Variants in STK33 observed in about 807,000 individuals in gnomAD.
STK33 encodes the protein serine/threonine kinase 33.
A neutral mutation model predicts 58.0 loss-of-function variants in STK33; 52 were observed. The observed-to-expected ratio is 0.90, with a 90% CI of 0.72 to 1.13. The LOEUF (loss-of-function observed/expected upper bound fraction) is 1.13. Ranked by LOEUF, STK33 falls within the 50% of genes most tolerant of loss-of-function variation. The pLI is 0.00. For synonymous variants in STK33, 215 were observed against 200.1 expected (o/e 1.07, Z -0.63); for missense variants, 630 against 604.2 (o/e 1.04, Z -0.45).
intron 1 of STK33, among the ~76,000 whole-genome samples, chr11:8,572,077 T>A (rs1957865936): frequency 6.7e-6 from 1 of 150,070 alleles, no homozygotes; most frequent in African/African-American, 2.4e-5. Flanking sequence ...AAAATTAATT[T>A]TAAAAAAACT....
intron 15 of STK33, among the ~76,000 whole-genome samples, chr11:8,394,791 C>T (rs1429773867): frequency 6.6e-6 from 1 of 152,094 alleles, no homozygotes; most frequent in African/African-American, 2.4e-5. Flanking sequence ...TGTTTAGTTG[C>T]TTTGGTGTAG....
rs77319334 is a variant in STK33, at chr11:8,570,320, C to T, written c.-466+23763G>A. 2.6e-3 allele frequency among the ~76,000 whole-genome samples: 394 copies of T among 152,144 alleles called. 1 individual carries two copies. Among genetic ancestry groups the T allele is most frequent in the Admixed American group, 3.7e-3 (57 of 15,286 alleles). On this transcript the variant is annotated intron_variant, in intron 1 of 15. Coordinates refer to ENST00000687296, the MANE Select transcript of STK33 (RefSeq NM_001352389.2). ...AACAAGAACCCTCATTTGTTGATGG[C>T]GGGAATGTAAAATGATAAAACCACT...
chr11:8,424,471 C>G (rs938110171), intron 14 of STK33, among the ~76,000 whole-genome samples: 1 of 151,562 alleles, frequency 6.6e-6, no homozygotes, highest in African/African-American at 2.4e-5. Context: ...GTCTTTATAG[C>G]AGCATGATTT....
intron 1 of STK33, among the ~76,000 whole-genome samples, chr11:8,499,421 A>C (rs538312993): frequency 3.5e-4 from 54 of 152,320 alleles, no homozygotes; most frequent in African/African-American, 1.3e-3. Context: ...TCAGGAAACA[A>C]CAGATACTAG....
intron 1 of STK33, among the ~76,000 whole-genome samples, chr11:8,523,880 G>A (rs1376870934): frequency 6.6e-6 from 1 of 152,256 alleles, no homozygotes; most frequent in Non-Finnish European, 1.5e-5. Flanking sequence ...AATAGAAAAG[G>A]GGGAAATGTG....
chr11:8,451,149 T>C (rs1946225597), intron 11 of STK33, among the ~76,000 whole-genome samples: 1 of 152,220 alleles, frequency 6.6e-6, no homozygotes, highest in Non-Finnish European at 1.5e-5. Context: ...AACGATCATT[T>C]TGTAAAAGAG....
At chr11:8,348,737 G>C in the STK33 span, among the ~76,000 whole-genome samples, 1 of 152,112 alleles carries the variant, frequency 6.6e-6, no homozygotes, top group African/African-American at 2.4e-5. Flanking sequence ...TGATGTGTCT[G>C]TTCCACTGTG....
In STK33 at chr11:8,392,590, G is replaced by T; in HGVS notation, c.1465C>A (p.Pro489Thr). ...AEIKGEMEKT[P>T]VTPSQGTATK... The stretch of plus-strand genomic sequence containing the variant: ...GCTGTTCCTTGGCTTGGAGTCACAG[G>T]GGTTTTCTCCATTTCTCCCTTGATT... Residue 489 changes from proline (P) to threonine (T), a missense_variant, in exon 16 of 16, where the codon CCT becomes ACT. Physicochemically the swap from Pro to Thr is conservative, Grantham distance 38. Coordinates refer to ENST00000687296, the MANE Select transcript of STK33 (RefSeq NM_001352389.2). 6.2e-7 allele frequency: 1 copy of T among 1,614,164 alleles called. No individual in the cohort carries two copies. Among genetic ancestry groups the T allele is most frequent in the Non-Finnish European group, 8.5e-7 (1 of 1,180,044 alleles).
intron 8 of STK33, 76 bp downstream of exon 8, chr11:8,461,729 G>C: frequency 8.4e-7 from 1 of 1,193,576 alleles, no homozygotes; most frequent in Non-Finnish European, 1.2e-6. Context: ...GCCCCAAAGG[G>C]ATTATTTCAG....
At chr11:8,341,325 G>T in the STK33 span, among the ~76,000 whole-genome samples, 2 of 152,182 alleles carry the variant, frequency 1.3e-5, no homozygotes, top group Non-Finnish European at 2.9e-5. Flanking sequence ...GGCTGCCTCC[G>T]TTGGGTTCTA....
chr11:8,489,389 G>A (rs775986354), intron 1 of STK33, among the ~76,000 whole-genome samples: 1 of 151,976 alleles, frequency 6.6e-6, no homozygotes, highest in Non-Finnish European at 1.5e-5. Context: ...ATTTTCTGCT[G>A]CTATAACAGA....
chr11:8,336,492 T>C, the STK33 span, among the ~76,000 whole-genome samples: 2 of 152,222 alleles, frequency 1.3e-5, no homozygotes, highest in African/African-American at 4.8e-5. Flanking sequence ...AGGGGCCTTT[T>C]TCTGACTCAC....
chr11:8,378,495 G>A, the STK33 span, among the ~76,000 whole-genome samples: 1 of 152,092 alleles, frequency 6.6e-6, no homozygotes, highest in South Asian at 2.1e-4. Context: ...TCCAGCCTGG[G>A]CAACAAGAGT....
At chr11:8,429,238 C>T (rs933537805) in intron 14 of STK33, among the ~76,000 whole-genome samples, 3 of 151,810 alleles carry the variant, frequency 2.0e-5, no homozygotes, top group African/African-American at 4.8e-5. Flanking sequence ...TAAATTATAC[C>T]CCTTGCAATT....
chr11:8,512,012 T>C (rs1030922498), intron 1 of STK33, among the ~76,000 whole-genome samples: 1 of 152,178 alleles, frequency 6.6e-6, no homozygotes, highest in Non-Finnish European at 1.5e-5. Flanking sequence ...AAGGATTAAA[T>C]GTGCAAATGA....
At chr11:8,453,873 A>G (rs892824602) in intron 10 of STK33, among the ~76,000 whole-genome samples, 1 of 152,210 alleles carries the variant, frequency 6.6e-6, no homozygotes, top group African/African-American at 2.4e-5. Context: ...TATGATACCT[A>G]TCTTTCTTTA....
At chr11:8,592,973 ATAG>A (rs2032851132) in intron 1 of STK33, among the ~76,000 whole-genome samples, 1 of 152,220 alleles carries the variant, frequency 6.6e-6, no homozygotes, top group Non-Finnish European at 1.5e-5. Flanking sequence ...GTCTAGGGTA[ATAG>A]TAGCAGAGAC....
At chr11:8,396,129 G>A (rs1849294086) in intron 15 of STK33, among the ~76,000 whole-genome samples, 1 of 152,056 alleles carries the variant, frequency 6.6e-6, no homozygotes, top group Non-Finnish European at 1.5e-5. Context: ...TTGAGGTGGA[G>A]TTTTGCTCTT....
chr11:8,436,111 T>C lies in STK33; in HGVS notation c.976A>G (p.Ser326Gly). The change falls in exon 13 of 16, where the codon AGC becomes GGC. Residue 326 changes from serine (S) to glycine (G), a missense_variant. Ser to Gly is a moderately conservative substitution (Grantham distance 56). Transcript: ENST00000687296. Reference protein sequence around the residue: ...LLRGEPPFLASSEEKLFELIR... With the variant: ...LLRGEPPFLAGSEEKLFELIR... ...AACTCAAAAAGCTTCTCTTCTGAGC[T>C]TGCCAAAAAGGGTGGTTCTCCACGT... 2 of 1,584,206 alleles carry C rather than the reference T, an allele frequency of 1.3e-6. No individual in the cohort carries two copies. Among genetic ancestry groups the C allele is most frequent in the African/African-American group, 1.4e-5 (1 of 74,024 alleles).
Sources: allele counts gnomAD v4.1 joint callset (sites outside exome capture counted in the v4.1 genomes callset), GRCh38; gene constraint gnomAD v4.1.1; transcripts MANE v1.5; gene names NCBI Gene and HGNC (gene_info 2026-07-23, HGNC 2026-07-21).